Variants in CEP192 observed in about 807,000 individuals in gnomAD.
The protein encoded by CEP192 is centrosomal protein 192.
A neutral mutation model predicts 271.8 loss-of-function variants in CEP192; 151 were observed. The observed-to-expected ratio is 0.56, with a 90% CI of 0.49 to 0.64. The LOEUF (loss-of-function observed/expected upper bound fraction) is 0.64. Among genes scored for constraint, CEP192 ranks in the 30% least tolerant of loss-of-function variants. The pLI, the probability that CEP192 is intolerant of heterozygous loss-of-function variation, is 0.00. For synonymous variants in CEP192, 995 were observed against 1,076.5 expected, an observed-to-expected ratio of 0.92 and a Z score of 1.48; for missense variants, 2,910 against 3,020.5, an observed-to-expected ratio of 0.96 and a Z score of 0.86.
chr18:13,090,800 G>C (rs1201120957), intron 33 of CEP192, among the ~76,000 whole-genome samples: 2 of 152,152 alleles, frequency 1.3e-5, no homozygotes, highest in African/African-American at 4.8e-5. Context: ...CCAAATACGA[G>C]ATAAGCTGAA....
At chr18:13,086,370 A>T (rs898245790) in intron 30 of CEP192, among the ~76,000 whole-genome samples, 1 of 152,164 alleles carries the variant, frequency 6.6e-6, no homozygotes, top group African/African-American at 2.4e-5. Context: ...AAGACGCTTT[A>T]TTTCTTTGTC....
chr18:13,103,630 G>T, intron 39 of CEP192, 42 bp downstream of exon 39: 1 of 1,423,508 alleles, frequency 7.0e-7, no homozygotes, highest in South Asian at 1.1e-5. Flanking sequence ...TTAATGTTTA[G>T]ACTTTATCCA....
At chr18:12,994,797 A>T (rs2033108544) in intron 1 of CEP192, among the ~76,000 whole-genome samples, 1 of 152,182 alleles carries the variant, frequency 6.6e-6, no homozygotes, top group Non-Finnish European at 1.5e-5. Context: ...GTTCCTGAAG[A>T]CATTTGAGTT....
chr18:13,045,415 A>G (rs1169322301), intron 15 of CEP192, among the ~76,000 whole-genome samples: 1 of 152,228 alleles, frequency 6.6e-6, no homozygotes, highest in Non-Finnish European at 1.5e-5. Context: ...CTGTAGTCAG[A>G]GAATTTTTAG....
intron 9 of CEP192, among the ~76,000 whole-genome samples, chr18:13,028,850 C>T (rs1364650684): frequency 6.6e-6 from 1 of 152,096 alleles, no homozygotes; most frequent in African/African-American, 2.4e-5. Flanking sequence ...ATAATGTTGG[C>T]AAAGCACCCA....
chr18:13,105,773 G>C (rs2144959585), intron 40 of CEP192, among the ~76,000 whole-genome samples: 1 of 152,328 alleles, frequency 6.6e-6, no homozygotes, highest in South Asian at 2.1e-4. Flanking sequence ...TACAAGTGTA[G>C]TTTAGTTCAT....
intron 36 of CEP192, among the ~76,000 whole-genome samples, chr18:13,098,856 C>T (rs911178124): frequency 2.6e-5 from 4 of 152,122 alleles, no homozygotes; most frequent in Non-Finnish European, 2.9e-5. Flanking sequence ...TGTAGCGAGC[C>T]GAAATCACGC....
At chr18:13,025,035 G>C (rs868445626) in intron 9 of CEP192, among the ~76,000 whole-genome samples, 1 of 152,172 alleles carries the variant, frequency 6.6e-6, no homozygotes, top group South Asian at 2.1e-4. Context: ...GCCTCCCAAA[G>C]TGCTGGAATT....
chr18:13,040,791 G>A, intron 13 of CEP192, 39 bp from the exon 14 acceptor site: 1 of 1,504,266 alleles, frequency 6.6e-7, no homozygotes, highest in South Asian at 1.2e-5. Flanking sequence ...CAAAGCAGTT[G>A]AAAATCAAAG....
Position 13,055,995 on chromosome 18 carries a change from A to G in CEP192, c.3405A>G (p.Arg1135=), listed in dbSNP as rs1242083671. Residue 1135 remains arginine, a synonymous_variant, in exon 19 of 45, where the codon AGA becomes AGG. Transcript: ENST00000506447. The part of the protein sequence containing the change: ...SKPEYVKPDF[R]WSKDPSSKSG... ...CTGAATATGTAAAACCTGACTTTAGATGGAGTAAAGATCCTTCCTCCAAAA... is the reference window on the plus strand; with the variant it reads ...CTGAATATGTAAAACCTGACTTTAGGTGGAGTAAAGATCCTTCCTCCAAAA... 6 of 1,614,094 alleles carry G rather than the reference A, an allele frequency of 3.7e-6. No individual in the cohort carries two copies. The East Asian group carries it at 1.1e-4, about 30-fold the overall frequency.
At chr18:13,117,545 AT>A (rs2040488444) in intron 43 of CEP192, 39 bp from the exon 44 acceptor site, 3 of 1,446,026 alleles carry the variant, frequency 2.1e-6, no homozygotes, top group African/African-American at 2.8e-5. Flanking sequence ...AAAAGATCTA[AT>A]TTTCATAACT....
chr18:13,031,459 G>A lies in CEP192; in HGVS notation c.1534+851G>A, dbSNP rs942619615. Among the ~76,000 whole-genome samples, 3 of 151,724 alleles carry A rather than the reference G, an allele frequency of 2.0e-5. 1 individual carries two copies. The highest frequency in any genetic ancestry group is 7.3e-5 in the African/African-American group (3 of 41,218). On this transcript the variant is annotated intron_variant, in intron 11 of 44. Coordinates refer to ENST00000506447, the MANE Select transcript of CEP192 (RefSeq NM_032142.4). ...AGACGGGGTTTCACCGTTTTAGCCGGGATGGTCTCGATCTCCTGACCTCGT... is the reference window on the plus strand; with the variant it reads ...AGACGGGGTTTCACCGTTTTAGCCGAGATGGTCTCGATCTCCTGACCTCGT...
chr18:13,004,061 A>G (rs1290320384), intron 3 of CEP192, among the ~76,000 whole-genome samples: 2 of 152,204 alleles, frequency 1.3e-5, no homozygotes, highest in South Asian at 2.1e-4. Context: ...AACTATGTCA[A>G]ATAAAATGAG....
At chr18:13,043,071 C>T (rs1221029600) in intron 15 of CEP192, among the ~76,000 whole-genome samples, 2 of 152,218 alleles carry the variant, frequency 1.3e-5, no homozygotes, top group Non-Finnish European at 1.5e-5. Context: ...CAGCACCTGG[C>T]ATTACTCGTT....
chr18:13,042,421 T>TA (rs2036259856), intron 15 of CEP192, 87 bp downstream of exon 15: 1 of 1,347,068 alleles, frequency 7.4e-7, no homozygotes. Context: ...GTGAAAAATT[T>TA]ATGCCGTTTA....
intron 40 of CEP192, among the ~76,000 whole-genome samples, chr18:13,110,425 CAATT>C (rs1279768326): frequency 2.7e-5 from 4 of 147,032 alleles, no homozygotes; most frequent in Non-Finnish European, 4.5e-5. Context: ...TATTTATAAT[CAATT>C]GATTTTTTTT....
intron 30 of CEP192, among the ~76,000 whole-genome samples, chr18:13,073,439 T>C (rs560130738): frequency 6.6e-6 from 1 of 152,376 alleles, no homozygotes; most frequent in South Asian, 2.1e-4. Flanking sequence ...GATTTTAAAA[T>C]GTACCCAGCT....
In CEP192 at chr18:13,068,428, A is replaced by C. The variant is rs767802120; in HGVS notation, c.4822+6A>C. On this transcript the variant is annotated splice_donor_region_variant and intron_variant, in intron 24 of 44. Transcript: ENST00000506447. Reference sequence around the variant, plus strand: ...GAAACAGATCAGCTCTTCAGGTATCATGTTTACACTGTGTGGGAATTGCTT... The same window carrying C: ...GAAACAGATCAGCTCTTCAGGTATCCTGTTTACACTGTGTGGGAATTGCTT... The C allele has an allele frequency of 1.3e-6, 2 of 1,596,168 alleles. No homozygotes were observed. Among genetic ancestry groups the C allele is most frequent in the Admixed American group, 1.7e-5 (1 of 59,386 alleles).
rs530684106 is a variant in CEP192 at position 13,029,709 on chromosome 18, A to G, written c.1097A>G (p.Asp366Gly). 23 of 1,550,988 alleles carry G rather than the reference A, an allele frequency of 1.5e-5. No individual in the cohort carries two copies. The South Asian group carries it at 2.4e-4, about 16-fold the overall frequency. Residue 366 changes from aspartate to glycine, a missense_variant, in exon 10 of 45, where the codon GAT becomes GGT. Transcript: ENST00000506447. ...CTGGTGAAGACCCTCAGGGCTATTG[A>G]TGTGAAACTTAACTCTGATAATTTT... ...DVLVKTLRAI[D>G]VKLNSDNFHD...
Sources: allele counts gnomAD v4.1 joint callset (sites outside exome capture counted in the v4.1 genomes callset), GRCh38; gene constraint gnomAD v4.1.1; transcripts MANE v1.5; gene names NCBI Gene and HGNC (gene_info 2026-07-23, HGNC 2026-07-21).